Variants in PAXX observed in about 807,000 individuals in gnomAD.
PAXX encodes the protein PAXX non-homologous end joining factor.
PAXX carries 27 observed loss-of-function variants against 25.6 expected under a neutral mutation model. The observed-to-expected ratio is 1.06, with a 90% CI of 0.78 to 1.46. The LOEUF is 1.46. Among genes scored for constraint, PAXX ranks in the 40% most tolerant of loss-of-function variants. The pLI, the probability that PAXX is intolerant of heterozygous loss-of-function variation, is 0.00. For missense variants in PAXX, 295 were observed against 280.2 expected (o/e 1.05, Z -0.38); for synonymous variants, 126 against 125.7 (o/e 1.00, Z -0.02).
chr9:136,993,213 C>T lies in PAXX; in HGVS notation c.391C>T (p.Arg131Cys), dbSNP rs1296644068. ...LRALTLGLAK[R>C]VWSLERRLAA... ...GGCGCTGACACTGGGCCTGGCAAAA[C>T]GCGTGTGGAGCCTGGAGCGGCGACT... The change falls in exon 4 of 7, where the codon CGC becomes TGC. Residue 131 changes from arginine (R) to cysteine (C), a missense_variant. Transcript: ENST00000371620. 12 of 1,539,626 alleles carry T rather than the reference C, an allele frequency of 7.8e-6. No homozygotes were observed. The highest frequency in any genetic ancestry group is 2.8e-5 in the African/African-American group (2 of 72,536).
In PAXX at chr9:136,993,236, A is replaced by G. The variant is rs1176237713; in HGVS notation, c.414A>G (p.Arg138=). The change falls in exon 4 of 7, where the codon CGA becomes CGG. Residue 138 remains arginine (R), a synonymous_variant. Transcript: ENST00000371620. Reference sequence around the variant, plus strand: ...AACGCGTGTGGAGCCTGGAGCGGCGACTGGCAGGTAGGATTGGGGGTGGGC... The same window carrying G: ...AACGCGTGTGGAGCCTGGAGCGGCGGCTGGCAGGTAGGATTGGGGGTGGGC... ...LAKRVWSLER[R]LAAAEETAVS... The G allele has an allele frequency of 6.5e-7, 1 of 1,539,280 alleles. No individual in the cohort carries two copies. The highest frequency in any genetic ancestry group is 8.7e-7 in the Non-Finnish European group (1 of 1,147,652).
intron 3 of PAXX, 29 bp downstream of exon 3, chr9:136,993,003 G>T: frequency 6.2e-7 from 1 of 1,613,334 alleles, no homozygotes; most frequent in South Asian, 1.1e-5. Flanking sequence ...GGAAGGACGG[G>T]TGGGGAGGAG....
chr9:136,993,411 G>T lies in PAXX; in HGVS notation c.490G>T (p.Asp164Tyr). The change falls in exon 5 of 7, where the codon GAC becomes TAC. Residue 164 changes from aspartate (D) to tyrosine (Y), a missense_variant and splice_region_variant. Physicochemically the swap from Asp to Tyr is radical, Grantham distance 160. Coordinates refer to ENST00000371620, the MANE Select transcript of PAXX (RefSeq NM_183241.3). Reference protein sequence around the residue: ...RPAGPQLFLPDPDPQRGGPGP... With the variant: ...RPAGPQLFLPYPDPQRGGPGP... ...TGCAGGGCCTCAGCTCTTCTTACCA[G>T]GTAAGGCATGTCCGCCTGTGACTCA... is the stretch of plus-strand genomic sequence containing the variant. 6.2e-7 allele frequency: 1 copy of T among 1,605,578 alleles called. No individual in the cohort carries two copies. Among genetic ancestry groups the T allele is most frequent in the Non-Finnish European group, 8.5e-7 (1 of 1,175,728 alleles).
In PAXX at chr9:136,993,346, C is replaced by A; in HGVS notation, c.425C>A (p.Ala142Glu). The A allele has an allele frequency of 6.2e-7, 1 of 1,605,436 alleles. No individual in the cohort carries two copies. Among genetic ancestry groups the A allele is most frequent in the East Asian group, 2.2e-5 (1 of 44,642 alleles). ...TCCCATGGGCTTTCCTCCCCAGCTGCAGAAGAGACAGCTGTCAGCCCGAGG... is the reference window on the plus strand; with the variant it reads ...TCCCATGGGCTTTCCTCCCCAGCTGAAGAAGAGACAGCTGTCAGCCCGAGG... Reference protein sequence around the residue: ...VWSLERRLAAAEETAVSPRKS... With the variant: ...VWSLERRLAAEEETAVSPRKS... The change falls in exon 5 of 7, where the codon GCA (alanine) becomes GAA (glutamate). Residue 142 changes from alanine to glutamate, a missense_variant. Transcript: ENST00000371620.
In PAXX at chr9:136,993,839, C is replaced by T. The variant is rs771346652; in HGVS notation, c.*34C>T. 3.2e-5 allele frequency: 51 copies of T among 1,610,120 alleles called. No individual in the cohort carries two copies. Among genetic ancestry groups the T allele is most frequent in the South Asian group, 1.3e-4 (12 of 91,006 alleles). ...CACAAGCGTGGCCCCGCGGGGAGTC[C>T]GCCTATGAGGGGAGAGGCAGTCTTT... On this transcript the variant is annotated 3_prime_UTR_variant, in exon 7 of 7. Transcript: ENST00000371620.
rs1430820693 is a variant in PAXX at position 136,992,571 on chromosome 9, G to A, written c.119+9G>A. 1.3e-6 allele frequency: 2 copies of A among 1,507,840 alleles called. No individual in the cohort carries two copies. The highest frequency in any genetic ancestry group is 2.8e-5 in the African/African-American group (2 of 71,992). The allele number at this position is 1,507,840 out of a possible 1,614,324, so 93.4% of individuals were successfully genotyped here. On this transcript the variant is annotated intron_variant, in intron 1 of 6. Transcript: ENST00000371620. Reference sequence around the variant, plus strand: ...GGCGGCTTCAACCTCTAGTGAGTGGGGGTCCGCGGGGAGGTAGGGGTGCAG... The same window carrying A: ...GGCGGCTTCAACCTCTAGTGAGTGGAGGTCCGCGGGGAGGTAGGGGTGCAG...
Position 136,993,680 on chromosome 9 carries a change from C to T in PAXX, c.575+16C>T, listed in dbSNP as rs1421201617. ...GGTTCAAGAGGTACCCTCCCACAGC[C>T]CCCTTCCTGCGCCCAGGGTCCAATC... On this transcript the variant is annotated intron_variant, in intron 6 of 6. Transcript: ENST00000371620. 6.2e-7 allele frequency: 1 copy of T among 1,613,652 alleles called. No homozygotes were observed. Among genetic ancestry groups the T allele is most frequent in the Non-Finnish European group, 8.5e-7 (1 of 1,179,836 alleles).
Position 136,993,135 on chromosome 9 carries a change from C to T in PAXX, c.313C>T (p.Leu105=), listed in dbSNP as rs1169713610. The change falls in exon 4 of 7, where the codon CTG becomes TTG. Residue 105 remains leucine (L), a synonymous_variant. Coordinates refer to ENST00000371620, the MANE Select transcript of PAXX (RefSeq NM_183241.3). ...GACGCTTTCAGGGGGGCCCTCGGCACTGGCCTTTGACCTCTCCAAGGTACC... is the reference window on the plus strand; with the variant it reads ...GACGCTTTCAGGGGGGCCCTCGGCATTGGCCTTTGACCTCTCCAAGGTACC... ...SLTLSGGPSA[L]AFDLSKVPGP... is the part of the protein sequence containing the mutation. The T allele has an allele frequency of 1.3e-6, 2 of 1,598,084 alleles. No homozygotes were observed. The highest frequency in any genetic ancestry group is 1.3e-5 in the African/African-American group (1 of 74,762).
intron 3 of PAXX, 37 bp downstream of exon 3, chr9:136,993,011 G>A (rs779353927): frequency 1.2e-6 from 2 of 1,613,186 alleles, no homozygotes; most frequent in Non-Finnish European, 1.7e-6. Context: ...GGGTGGGGAG[G>A]AGGAGGGTCT....
chr9:136,992,492 C>A lies in PAXX; in HGVS notation c.49C>A (p.Pro17Thr). 7.2e-7 allele frequency: 1 copy of A among 1,385,268 alleles called. No homozygotes were observed. 85.8% of individuals were successfully genotyped at this position (1,385,268 alleles called of 1,614,324 possible). Residue 17 changes from proline (P) to threonine (T), a missense_variant, in exon 1 of 7, where the codon CCG becomes ACG. Coordinates refer to ENST00000371620, the MANE Select transcript of PAXX (RefSeq NM_183241.3). ...PLCTLPPGPE[P>T]PRFVCYCEGE... ...CTGCACGCTGCCGCCGGGCCCCGAG[C>A]CGCCCCGCTTCGTGTGCTACTGCGA...
At chr9:136,992,727 C>T in intron 2 of PAXX, 27 bp downstream of exon 2, 1 of 1,542,310 alleles carries the variant, frequency 6.5e-7, no homozygotes, top group Non-Finnish European at 8.7e-7. Flanking sequence ...GTCTGGGAGC[C>T]GCCACACCCC....
chr9:136,993,536 A>G, intron 5 of PAXX, 44 bp from the exon 6 acceptor site: 4 of 1,609,150 alleles, frequency 2.5e-6, no homozygotes, highest in Non-Finnish European at 3.4e-6. Context: ...TGTGGTTGGG[A>G]TGCTGCCAGG....
chr9:136,992,956 A>G lies in PAXX; in HGVS notation c.212A>G (p.Asp71Gly). 6.2e-7 allele frequency: 1 copy of G among 1,613,488 alleles called. No homozygotes were observed. Among genetic ancestry groups the G allele is most frequent in the Non-Finnish European group, 8.5e-7 (1 of 1,179,972 alleles). ...CGTTTTGGCCTGAGTGCGGCTGAGG[A>G]CATCACCCCCCGGTTCAGGTGAGAC... ...KARFGLSAAE[D>G]ITPRFRAACE... Residue 71 changes from aspartate (D) to glycine (G), a missense_variant, in exon 3 of 7, where the codon GAC (aspartate) becomes GGC (glycine). Physicochemically the swap from Asp to Gly is moderately conservative, Grantham distance 94. Transcript: ENST00000371620.
chr9:136,992,424 GTTCCCGCTCGCC>G lies in PAXX; in HGVS notation c.-19_-8del. The G allele has an allele frequency of 9.0e-7, 1 of 1,110,964 alleles. No homozygotes were observed. The highest frequency in any genetic ancestry group is 2.1e-5 in the South Asian group (1 of 48,084). The allele number at this position is 1,110,964 out of a possible 1,614,324, so 68.8% of individuals were successfully genotyped here. On this transcript the variant is annotated 5_prime_UTR_variant, in exon 1 of 7. Transcript: ENST00000371620. ...CGGCGCCCAAGCCCCGCCCCGCCGG[GTTCCCGCTCGCC>G]CGGCGCCATGGATCCGCTGTCGCCG...
At position 136,993,603 on chromosome 9, in the gene PAXX, C is replaced by G; in HGVS notation, c.514C>G (p.Pro172Ala). The G allele has an allele frequency of 6.2e-7, 1 of 1,613,846 alleles. No homozygotes were observed. The highest frequency in any genetic ancestry group is 8.5e-7 in the Non-Finnish European group (1 of 1,179,992). ...LPDPDPQRGGPGPGVRRRCPG... is the reference protein window; with the variant it reads ...LPDPDPQRGGAGPGVRRRCPG... ...AGACCCAGATCCCCAGAGAGGTGGC[C>G]CTGGACCTGGAGTCAGGAGGCGGTG... Residue 172 changes from proline to alanine, a missense_variant, in exon 6 of 7, where the codon CCT (proline) becomes GCT (alanine). Physicochemically the swap from Pro to Ala is conservative, Grantham distance 27 (BLOSUM62 -1). Transcript: ENST00000371620.
At position 136,993,338 on chromosome 9, in the gene PAXX, C is replaced by G. The variant is rs777594027; in HGVS notation, c.422-5C>G. 11 of 1,604,326 alleles carry G rather than the reference C, an allele frequency of 6.9e-6. No homozygotes were observed. Among genetic ancestry groups the G allele is most frequent in the Non-Finnish European group, 9.4e-6 (11 of 1,175,416 alleles). On this transcript the variant is annotated splice_polypyrimidine_tract_variant and splice_region_variant and intron_variant, in intron 4 of 6. Coordinates refer to ENST00000371620, the MANE Select transcript of PAXX (RefSeq NM_183241.3). Reference sequence around the variant, plus strand: ...AGTGGGGTTCCCATGGGCTTTCCTCCCCAGCTGCAGAAGAGACAGCTGTCA... The same window carrying G: ...AGTGGGGTTCCCATGGGCTTTCCTCGCCAGCTGCAGAAGAGACAGCTGTCA...
chr9:136,993,199 T>C lies in PAXX; in HGVS notation c.377T>C (p.Leu126Pro). The C allele has an allele frequency of 6.5e-7, 1 of 1,542,828 alleles. No individual in the cohort carries two copies. Among genetic ancestry groups the C allele is most frequent in the South Asian group, 1.2e-5 (1 of 81,216 alleles). Reference sequence around the variant, plus strand: ...GCCCCCAGGCTGCGGGCGCTGACACTGGGCCTGGCAAAACGCGTGTGGAGC... The same window carrying C: ...GCCCCCAGGCTGCGGGCGCTGACACCGGGCCTGGCAAAACGCGTGTGGAGC... ...EAAPRLRALT[L>P]GLAKRVWSLE... Residue 126 changes from leucine to proline, a missense_variant, in exon 4 of 7, where the codon CTG becomes CCG. Coordinates refer to ENST00000371620, the MANE Select transcript of PAXX (RefSeq NM_183241.3).
Position 136,993,234 on chromosome 9 carries a change from C to G in PAXX, c.412C>G (p.Arg138Gly). 6.5e-7 allele frequency: 1 copy of G among 1,538,634 alleles called. No individual in the cohort carries two copies. Among genetic ancestry groups the G allele is most frequent in the Non-Finnish European group, 8.7e-7 (1 of 1,147,424 alleles). The stretch of plus-strand genomic sequence containing the variant: ...AAAACGCGTGTGGAGCCTGGAGCGG[C>G]GACTGGCAGGTAGGATTGGGGGTGG... ...LAKRVWSLER[R>G]LAAAEETAVS... Residue 138 changes from arginine to glycine, a missense_variant, in exon 4 of 7, where the codon CGA (arginine) becomes GGA (glycine). By Grantham distance (125) the Arg-to-Gly change is moderately radical. Transcript: ENST00000371620.
At position 136,992,569 on chromosome 9, in the gene PAXX, G is replaced by C. The variant is rs771744936; in HGVS notation, c.119+7G>C. 41 of 1,507,202 alleles carry C rather than the reference G, an allele frequency of 2.7e-5. No homozygotes were observed. The highest frequency in any genetic ancestry group is 2.6e-5 in the Non-Finnish European group (29 of 1,123,488). 93.4% of individuals were successfully genotyped at this position (1,507,202 alleles called of 1,614,324 possible). A position where few individuals can be genotyped will look rare whatever the true frequency, so the allele number is the denominator to read the frequency against. On this transcript the variant is annotated splice_region_variant and intron_variant, in intron 1 of 6. Transcript: ENST00000371620. ...GCGGCGGCTTCAACCTCTAGTGAGT[G>C]GGGGTCCGCGGGGAGGTAGGGGTGC...
Sources: allele counts gnomAD v4.1 joint callset, GRCh38; gene constraint gnomAD v4.1.1; transcripts MANE v1.5; gene names NCBI Gene and HGNC (gene_info 2026-07-23, HGNC 2026-07-21).